The following PCDH15 variants were observed in gnomAD, a reference collection of about 807,000 sequenced individuals.
The protein encoded by PCDH15 is protocadherin-15.
PCDH15 carries 129 observed loss-of-function variants against 178.5 expected under a neutral mutation model. The ratio of observed to expected loss-of-function variants is 0.72; its 90% CI spans 0.63 to 0.84. PCDH15 has a LOEUF of 0.84. PCDH15 is among the 40% of genes least tolerant of loss of function. The pLI is 0.00. For missense variants in PCDH15, 2,230 were observed against 2,099.9 expected (o/e 1.06, Z -1.21); for synonymous variants, 800 against 732.0 (o/e 1.09, Z -1.50).
intron 24 of PCDH15, among the ~76,000 whole-genome samples, chr10:53,940,075 T>A (rs2085920012): frequency 6.6e-6 from 1 of 152,156 alleles, no homozygotes; most frequent in African/African-American, 2.4e-5. Context: ...AGGGCCTTTA[T>A]AATTTCCTTG....
chr10:55,443,961 A>G (rs563094574), intron 2 of PCDH15, among the ~76,000 whole-genome samples: 1 of 152,328 alleles, frequency 6.6e-6, no homozygotes, highest in South Asian at 2.1e-4. Flanking sequence ...GCCATAAAAA[A>G]GAATGAGTTC....
intron 2 of PCDH15, among the ~76,000 whole-genome samples, chr10:55,384,159 T>C (rs1198879098): frequency 6.6e-6 from 1 of 152,154 alleles, no homozygotes; most frequent in Non-Finnish European, 1.5e-5. Context: ...TTAATCTGTT[T>C]ACCAATTATA....
chr10:54,737,910 G>A (rs956847376), intron 1 of PCDH15, among the ~76,000 whole-genome samples: 2 of 152,068 alleles, frequency 1.3e-5, no homozygotes, highest in African/African-American at 2.4e-5. Context: ...TATGTTAGAA[G>A]TGGGGAGGCC....
At chr10:55,429,071 G>T (rs191266089) in intron 2 of PCDH15, among the ~76,000 whole-genome samples, 39 of 152,014 alleles carry the variant, frequency 2.6e-4, no homozygotes, top group African/African-American at 9.4e-4. Flanking sequence ...CAAACCCCAT[G>T]TTATATTGTT....
intron 14 of PCDH15, among the ~76,000 whole-genome samples, chr10:54,146,275 A>G (rs911980625): frequency 2.0e-5 from 3 of 152,114 alleles, no homozygotes; most frequent in African/African-American, 7.2e-5. Flanking sequence ...AAATTATTTC[A>G]TCTCATATTA....
intron 2 of PCDH15, among the ~76,000 whole-genome samples, chr10:55,549,976 T>C (rs1358401219): frequency 6.6e-6 from 1 of 152,078 alleles, no homozygotes; most frequent in Non-Finnish European, 1.5e-5. Context: ...TTGTATTTTT[T>C]CCCTTTCTCT....
At chr10:55,117,859 A>G (rs7895874) in intron 2 of PCDH15, among the ~76,000 whole-genome samples, 42,932 of 152,040 alleles carry the variant, frequency 0.28, 6,856 homozygotes, top group African/African-American at 0.43. Context: ...GGGAGGATGA[A>G]TATTCAGCTT....
intron 3 of PCDH15, among the ~76,000 whole-genome samples, chr10:54,488,202 T>A (rs1204324951): frequency 6.6e-6 from 1 of 151,898 alleles, no homozygotes; most frequent in Non-Finnish European, 1.5e-5. Flanking sequence ...TAAAACTATG[T>A]TTTCAATCAA....
chr10:54,065,685 GTGACAA>G (rs1170032618), intron 18 of PCDH15, among the ~76,000 whole-genome samples: 2 of 152,180 alleles, frequency 1.3e-5, no homozygotes, highest in African/African-American at 4.8e-5. Flanking sequence ...ATTTGAGATA[GTGACAA>G]TGATAATGAT....
At chr10:54,671,356 T>G (rs2094667021) in intron 1 of PCDH15, among the ~76,000 whole-genome samples, 1 of 152,030 alleles carries the variant, frequency 6.6e-6, no homozygotes, top group Non-Finnish European at 1.5e-5. Flanking sequence ...GGCAAATCCA[T>G]CAGCAAAAAA....
intron 14 of PCDH15, among the ~76,000 whole-genome samples, chr10:54,142,730 T>C (rs2043526813): frequency 6.6e-6 from 1 of 152,116 alleles, no homozygotes; most frequent in South Asian, 2.1e-4. Context: ...GATTTAACAT[T>C]AATAATATAC....
intron 2 of PCDH15, among the ~76,000 whole-genome samples, chr10:54,587,769 T>G (rs554883411): frequency 1.6e-4 from 24 of 152,170 alleles, no homozygotes; most frequent in African/African-American, 5.8e-4. Context: ...ATCAATGTAA[T>G]TAAGAGGGAA....
upstream of PCDH15, among the ~76,000 whole-genome samples, chr10:54,805,525 T>A (rs2133722336): frequency 6.6e-6 from 1 of 152,334 alleles, no homozygotes; most frequent in African/African-American, 2.4e-5. Context: ...TGCATAGCTT[T>A]GTTTTTTATT....
chr10:55,406,803 T>C (rs1838207325), intron 2 of PCDH15, among the ~76,000 whole-genome samples: 1 of 152,056 alleles, frequency 6.6e-6, no homozygotes, highest in South Asian at 2.1e-4. Context: ...GTGTGTTCAA[T>C]AACTGAGAAA....
At chr10:54,039,386 A>G (rs1031926871) in intron 18 of PCDH15, among the ~76,000 whole-genome samples, 1 of 151,966 alleles carries the variant, frequency 6.6e-6, no homozygotes, top group African/African-American at 2.4e-5. Context: ...GCCATATCAC[A>G]CAAATACACA....
chr10:54,796,717 C>A (rs1952054922), intron 1 of PCDH15, among the ~76,000 whole-genome samples: 1 of 151,778 alleles, frequency 6.6e-6, no homozygotes, highest in African/African-American at 2.4e-5. Context: ...CTTTGTGTGA[C>A]TATCCCTGTA....
At chr10:55,155,933 T>G (rs1838875074) in intron 2 of PCDH15, among the ~76,000 whole-genome samples, 1 of 152,132 alleles carries the variant, frequency 6.6e-6, no homozygotes, top group Non-Finnish European at 1.5e-5. Context: ...AAGCCTCCAT[T>G]TACATGATTC....
At chr10:54,412,040 G>A (rs1387854040) in intron 3 of PCDH15, among the ~76,000 whole-genome samples, 1 of 151,972 alleles carries the variant, frequency 6.6e-6, no homozygotes, top group African/African-American at 2.4e-5. Context: ...ATTAAAGAAG[G>A]CAAATTCTAG....
rs1301275333 is a variant in PCDH15 at position 55,151,657 on chromosome 10, A to G, written c.-80+14919T>C. Among the ~76,000 whole-genome samples, 3 of 152,272 alleles carry G rather than the reference A, an allele frequency of 2.0e-5. No individual in the cohort carries two copies. The East Asian group carries it at 5.8e-4, about 29-fold the overall frequency. On this transcript the variant is annotated intron_variant, in intron 2 of 5. Transcript: ENST00000458638. ...AATAGTGAATCACAGAGCCTACTCT[A>G]TCACATGACCATGTGGTAAGATCAA...
Sources: allele counts gnomAD v4.1 joint callset (sites outside exome capture counted in the v4.1 genomes callset), GRCh38; gene constraint gnomAD v4.1.1; transcripts MANE v1.5; gene names NCBI Gene and HGNC (gene_info 2026-07-23, HGNC 2026-07-21).